DNAH5: variants seen among roughly 807,000 people sequenced by gnomAD.
DNAH5 encodes the protein axonemal beta dynein heavy chain 5.
In DNAH5, 372 loss-of-function variants were observed where a neutral mutation model predicts 518.2. That is an observed-to-expected ratio of 0.72 (90% CI 0.66 to 0.78). DNAH5 has a LOEUF of 0.78. Among genes scored for constraint, DNAH5 ranks in the 30% least tolerant of loss-of-function variants. DNAH5 has a pLI of 0.00. For synonymous variants in DNAH5, 2,039 were observed against 2,025.9 expected (o/e 1.01, Z -0.17); for missense variants, 5,523 against 5,687.0 (o/e 0.97, Z 0.93).
At chr5:13,776,839 A>C in intron 54 of DNAH5, 133 bp from the exon 55 acceptor site, 1 of 968,908 alleles carries the variant, frequency 1.0e-6, no homozygotes, top group Non-Finnish European at 1.6e-6. Flanking sequence ...GAAAGTTTTC[A>C]AGATGAAATA....
chr5:13,833,052 TG>T (rs1258180953), intron 35 of DNAH5, among the ~76,000 whole-genome samples: 1 of 151,636 alleles, frequency 6.6e-6, no homozygotes, highest in Non-Finnish European at 1.5e-5. Flanking sequence ...CTTGAGAACT[TG>T]GTTTAGTTAC....
chr5:13,712,741 T>C (rs1178324489), intron 75 of DNAH5, among the ~76,000 whole-genome samples: 1 of 152,064 alleles, frequency 6.6e-6, no homozygotes, highest in African/African-American at 2.4e-5. Flanking sequence ...TCACTAATGA[T>C]CAGGGAAATG....
At chr5:13,944,846 A>T (rs1261821656), upstream of DNAH5, among the ~76,000 whole-genome samples, 4 of 152,246 alleles carry the variant, frequency 2.6e-5, no homozygotes, top group Non-Finnish European at 5.9e-5. Flanking sequence ...GTCAACAGTG[A>T]TATCTAAATA....
intron 38 of DNAH5, among the ~76,000 whole-genome samples, chr5:13,828,279 G>A (rs1763170687): frequency 6.6e-6 from 1 of 152,158 alleles, no homozygotes; most frequent in African/African-American, 2.4e-5. Context: ...AAGATTCAAA[G>A]AAGTTTGAAA....
At position 13,713,621 on chromosome 5, in the gene DNAH5, T is replaced by C. The variant is rs200619895; in HGVS notation, c.13125+784A>G. Among the ~76,000 whole-genome samples the C allele has an allele frequency of 3.1e-4, 46 of 149,870 alleles. No individual in the cohort carries two copies. In the East Asian group the frequency reaches 9.0e-3, roughly 29 times the overall value. The stretch of plus-strand genomic sequence containing the variant: ...AAAGCCAATCATATGTTCTCACTGA[T>C]ATGTGGGAGCTAAGCTATGAGGACG... On this transcript the variant is annotated intron_variant, in intron 75 of 78. Transcript: ENST00000265104.
intron 1 of DNAH5, among the ~76,000 whole-genome samples, chr5:13,931,871 G>A (rs1357274261): frequency 1.3e-5 from 2 of 152,182 alleles, no homozygotes; most frequent in Non-Finnish European, 2.9e-5. Flanking sequence ...ATGTTTTCAT[G>A]CATTTCTCCC....
intron 30 of DNAH5, among the ~76,000 whole-genome samples, chr5:13,857,090 C>T (rs1225062920): frequency 6.6e-6 from 1 of 152,194 alleles, no homozygotes; most frequent in Non-Finnish European, 1.5e-5. Context: ...TTGCAGATGA[C>T]ATGATTGTAT....
chr5:13,721,255 A>T lies in DNAH5; in HGVS notation c.12034-10T>A. The T allele has an allele frequency of 6.2e-7, 1 of 1,614,052 alleles. No homozygotes were observed. The highest frequency in any genetic ancestry group is 8.5e-7 in the Non-Finnish European group (1 of 1,179,956). ...CGATGTACTTGCGGGCCTGCCAAAA[A>T]CAGTATACAAGTCAGTAAAAGTCAT... On this transcript the variant is annotated splice_polypyrimidine_tract_variant and intron_variant, in intron 70 of 78. Coordinates refer to ENST00000265104, the MANE Select transcript of DNAH5 (RefSeq NM_001369.3).
At chr5:13,829,983 A>G (rs1458912589) in intron 37 of DNAH5, 43 bp downstream of exon 37, 3 of 1,571,778 alleles carry the variant, frequency 1.9e-6, no homozygotes, top group African/African-American at 2.7e-5. Context: ...GAAAATTGTG[A>G]TAAGAAGGCT....
At chr5:13,779,685 C>T (rs1198449285) in intron 53 of DNAH5, among the ~76,000 whole-genome samples, 1 of 152,212 alleles carries the variant, frequency 6.6e-6, no homozygotes, top group East Asian at 1.9e-4. Flanking sequence ...CTGCACTACA[C>T]CCACATCTGT....
At chr5:13,812,120 A>G (rs1760796802) in intron 43 of DNAH5, among the ~76,000 whole-genome samples, 1 of 152,162 alleles carries the variant, frequency 6.6e-6, no homozygotes, top group Non-Finnish European at 1.5e-5. Flanking sequence ...CAAGGGCAGA[A>G]TTCAGACCCA....
chr5:13,976,853 C>T (rs1782299837), intron 1 of DNAH5, among the ~76,000 whole-genome samples: 2 of 151,944 alleles, frequency 1.3e-5, no homozygotes, highest in Non-Finnish European at 2.9e-5. Flanking sequence ...GACTTCATAC[C>T]AACTGATGAA....
chr5:13,697,516 T>G (rs1377091911), intron 78 of DNAH5, among the ~76,000 whole-genome samples: 1 of 152,208 alleles, frequency 6.6e-6, no homozygotes, highest in African/African-American at 2.4e-5. Context: ...TCTAGCTTGT[T>G]GTCCTCAAAG....
In DNAH5 at chr5:13,744,457, A is replaced by G. The variant is rs987527388; in HGVS notation, c.11211+6621T>C. On this transcript the variant is annotated intron_variant, in intron 65 of 78. Transcript: ENST00000265104. ...GATGACTGTACTTAATGATTATATT[A>G]TATAATTTCAAATAGTTCGAAGGAG... 2.6e-5 allele frequency among the ~76,000 whole-genome samples: 4 copies of G among 152,016 alleles called. 1 individual carries two copies. The South Asian group carries it at 8.3e-4, about 31-fold the overall frequency.
intron 1 of DNAH5, among the ~76,000 whole-genome samples, chr5:13,964,966 T>TA (rs1477980730): frequency 6.6e-6 from 1 of 152,184 alleles, no homozygotes; most frequent in Non-Finnish European, 1.5e-5. Context: ...TGTCTCCCAA[T>TA]ACTGTGTTCC....
At chr5:13,867,389 G>A (rs1769408403) in intron 25 of DNAH5, among the ~76,000 whole-genome samples, 1 of 152,104 alleles carries the variant, frequency 6.6e-6, no homozygotes, top group Admixed American at 6.6e-5. Flanking sequence ...GGTTTTAAAA[G>A]GAGCTCTTCC....
intron 50 of DNAH5, among the ~76,000 whole-genome samples, chr5:13,790,086 T>C (rs1162414949): frequency 6.6e-6 from 1 of 152,136 alleles, no homozygotes. Context: ...AGAGAACACA[T>C]ATATGCTATT....
intron 35 of DNAH5, among the ~76,000 whole-genome samples, chr5:13,833,490 T>C (rs1410945534): frequency 8.0e-6 from 1 of 124,518 alleles, no homozygotes; most frequent in Non-Finnish European, 1.7e-5. Flanking sequence ...GCAACAGTGA[T>C]AGCAAGAATA....
chr5:13,739,572 A>G (rs1748111158), intron 65 of DNAH5, among the ~76,000 whole-genome samples: 2 of 152,188 alleles, frequency 1.3e-5, no homozygotes, highest in Non-Finnish European at 2.9e-5. Context: ...GGTTTTATAG[A>G]TTCTACTCCC....
Sources: allele counts gnomAD v4.1 joint callset (sites outside exome capture counted in the v4.1 genomes callset), GRCh38; gene constraint gnomAD v4.1.1; transcripts MANE v1.5; gene names NCBI Gene and HGNC (gene_info 2026-07-23, HGNC 2026-07-21).